The following PCDHGB6 variants were observed in gnomAD, a reference collection of about 807,000 sequenced individuals.
The protein encoded by PCDHGB6 is protocadherin gamma subfamily B, 6, also known as protocadherin gamma-B6.
PCDHGB6 carries 51 observed loss-of-function variants against 59.1 expected under a neutral mutation model. The ratio of observed to expected loss-of-function variants is 0.86; its 90% CI spans 0.69 to 1.09. The LOEUF (loss-of-function observed/expected upper bound fraction) is 1.09. PCDHGB6 is among the 50% of genes least tolerant of loss of function. The pLI is 0.00. For synonymous variants in PCDHGB6, 466 were observed against 495.1 expected, an observed-to-expected ratio of 0.94 and a Z score of 0.78; for missense variants, 1,148 against 1,205.1, an observed-to-expected ratio of 0.95 and a Z score of 0.70.
chr5:141,415,007 G>A (rs369009151), intron 1 of PCDHGB6: 1 of 1,613,654 alleles, frequency 6.2e-7, no homozygotes, highest in South Asian at 1.1e-5. Flanking sequence ...CTGTCCTACC[G>A]TCTGCTCAAG....
At chr5:141,494,161 T>G (rs1420295862) in intron 1 of PCDHGB6, among the ~76,000 whole-genome samples, 3 of 152,052 alleles carry the variant, frequency 2.0e-5, no homozygotes, top group African/African-American at 7.3e-5. Flanking sequence ...TGGCACGGAG[T>G]TCTAGGGGTG....
chr5:141,493,679 G>C lies in PCDHGB6; in HGVS notation c.2419-1128G>C. On this transcript the variant is annotated intron_variant, in intron 1 of 3. Transcript: ENST00000520790. This position sits in a 1 kb window ranked among gnomAD's most constrained non-coding sequence, Gnocchi z 4.3. ...CCTTCTCCATGGCAGCCCCAGAATG[G>C]TGCTGGTGACTCCCGATACACCTGG... Among the ~76,000 whole-genome samples the C allele has an allele frequency of 6.6e-6, 1 of 152,198 alleles. No individual in the cohort carries two copies. Among genetic ancestry groups the C allele is most frequent in the African/African-American group, 2.4e-5 (1 of 41,446 alleles).
At chr5:141,415,347 C>G in intron 1 of PCDHGB6, 1 of 1,614,238 alleles carries the variant, frequency 6.2e-7, no homozygotes, top group South Asian at 1.1e-5. Flanking sequence ...GGCGCTGGCA[C>G]AAGTCACGCC....
chr5:141,502,862 C>T (rs2099816351), intron 2 of PCDHGB6, among the ~76,000 whole-genome samples: 1 of 68,558 alleles, frequency 1.5e-5, no homozygotes, highest in African/African-American at 1.0e-4. Context: ...CCCTGACTCT[C>T]TGTCTTTTTT....
At chr5:141,419,938 G>A in intron 1 of PCDHGB6, 1 of 1,614,102 alleles carries the variant, frequency 6.2e-7, no homozygotes, top group Non-Finnish European at 8.5e-7. Context: ...TTTACCTGGT[G>A]GTGGCCTTGG....
In PCDHGB6 at chr5:141,485,109, C is replaced by A; in HGVS notation, c.2419-9698C>A. ...AGATAGGTGTCTCCAGCTGCTGTGG[C>A]TGTTTGGGGCGGGTCGGCTTCATCC... On this transcript the variant is annotated intron_variant, in intron 1 of 3. Transcript: ENST00000520790. This position sits in a 1 kb window ranked among gnomAD's most constrained non-coding sequence, Gnocchi z 5.7. The A allele has an allele frequency of 1.6e-6, 2 of 1,230,962 alleles. No individual in the cohort carries two copies. The highest frequency in any genetic ancestry group is 2.4e-6 in the Non-Finnish European group (2 of 850,024). The allele number at this position is 1,230,962 out of a possible 1,614,324, so 76.3% of individuals were successfully genotyped here.
intron 1 of PCDHGB6, among the ~76,000 whole-genome samples, chr5:141,470,151 CT>C (rs746135943): frequency 7.2e-5 from 11 of 152,164 alleles, no homozygotes; most frequent in Non-Finnish European, 1.6e-4. Flanking sequence ...CATAGATCAT[CT>C]TATCAAATCA....
In PCDHGB6 at chr5:141,431,746, G is replaced by C. The variant is rs780453684; in HGVS notation, c.2418+21126G>C. 6.2e-7 allele frequency: 1 copy of C among 1,614,062 alleles called. No individual in the cohort carries two copies. Among genetic ancestry groups the C allele is most frequent in the African/African-American group, 1.3e-5 (1 of 74,932 alleles). On this transcript the variant is annotated intron_variant, in intron 1 of 3. Transcript: ENST00000520790. The surrounding 1 kb of genome is among the most constrained non-coding windows in gnomAD (Gnocchi z 4.8). ...CAATGGATAATGCAGGATATTCTGC[G>C]CGAGCCAAAGTCCTGATCACTGTTC... is the stretch of plus-strand genomic sequence containing the variant.
rs1379007048 is a variant in PCDHGB6 at position 141,409,213 on chromosome 5, C to A, written c.1011C>A (p.Ile337=). The A allele has an allele frequency of 6.2e-7, 1 of 1,613,994 alleles. No individual in the cohort carries two copies. Among genetic ancestry groups the A allele is most frequent in the East Asian group, 2.2e-5 (1 of 44,876 alleles). ...LSTQCKVIIE[I]LDENDNSPEI... ...CCCAGTGTAAAGTAATCATAGAAAT[C>A]CTTGATGAAAACGACAACAGCCCAG... Residue 337 remains isoleucine, a synonymous_variant, in exon 1 of 4, where the codon ATC becomes ATA. Transcript: ENST00000520790.
chr5:141,419,333 A>G, intron 1 of PCDHGB6: 2 of 1,613,804 alleles, frequency 1.2e-6, no homozygotes, highest in South Asian at 1.1e-5. Context: ...CTACTCTCTC[A>G]TTGCCAGCGA....
intron 1 of PCDHGB6, among the ~76,000 whole-genome samples, chr5:141,494,157 G>A (rs929922206): frequency 5.9e-5 from 9 of 152,312 alleles, no homozygotes; most frequent in African/African-American, 1.7e-4. Context: ...TGTCTGGCAC[G>A]GAGTTCTAGG....
chr5:141,413,793 C>G, intron 1 of PCDHGB6: 1 of 1,613,106 alleles, frequency 6.2e-7, no homozygotes, highest in South Asian at 1.1e-5. Context: ...CCCTAGATCG[C>G]GAGGAAGAGG....
At chr5:141,427,992 T>C in intron 1 of PCDHGB6, 1 of 1,599,002 alleles carries the variant, frequency 6.3e-7, no homozygotes, top group Non-Finnish European at 8.6e-7. Context: ...GCCCGATGGC[T>C]CCGCACTCTT....
intron 1 of PCDHGB6, chr5:141,428,460 T>G (rs558111052): frequency 2.8e-6 from 1 of 351,434 alleles, no homozygotes; most frequent in African/African-American, 2.1e-5. Context: ...CCAACTACAA[T>G]GAGGGAACTT....
Position 141,491,900 on chromosome 5 carries a change from G to A in PCDHGB6, c.2419-2907G>A, listed in dbSNP as rs1268804496. 7.0e-7 allele frequency: 1 copy of A among 1,429,818 alleles called. No individual in the cohort carries two copies. Among genetic ancestry groups the A allele is most frequent in the East Asian group, 2.5e-5 (1 of 39,444 alleles). The allele number at this position is 1,429,818 out of a possible 1,614,324, so 88.6% of individuals were successfully genotyped here. A position where few individuals can be genotyped will look rare whatever the true frequency, so the allele number is the denominator to read the frequency against. ...TAAGGGATGGGGCTCCGAGCACCGGGGGTGGTGGCGACTGTGGGCGAGGGG... is the reference window on the plus strand; with the variant it reads ...TAAGGGATGGGGCTCCGAGCACCGGAGGTGGTGGCGACTGTGGGCGAGGGG... On this transcript the variant is annotated intron_variant, in intron 1 of 3. Coordinates refer to ENST00000520790, the MANE Select transcript of PCDHGB6 (RefSeq NM_018926.3). This position sits in a 1 kb window ranked among gnomAD's most constrained non-coding sequence, Gnocchi z 6.9.
intron 2 of PCDHGB6, among the ~76,000 whole-genome samples, chr5:141,495,994 T>C (rs2099765151): frequency 6.6e-6 from 1 of 152,146 alleles, no homozygotes; most frequent in Non-Finnish European, 1.5e-5. Flanking sequence ...ATCTCTCTTT[T>C]TCTTTTATCT....
intron 1 of PCDHGB6, among the ~76,000 whole-genome samples, chr5:141,464,886 A>T (rs541933775): frequency 5.2e-4 from 79 of 152,156 alleles, no homozygotes; most frequent in African/African-American, 1.9e-3. Flanking sequence ...CTACAGATGG[A>T]TGCCACCATG....
At chr5:141,418,568 G>A (rs769914679) in intron 1 of PCDHGB6, 62 of 1,613,902 alleles carry the variant, frequency 3.8e-5, no homozygotes, top group Non-Finnish European at 5.2e-5. Context: ...AGATGCCAAT[G>A]ACAACCCCCC....
chr5:141,461,286 C>T (rs2099012487), intron 1 of PCDHGB6, among the ~76,000 whole-genome samples: 1 of 152,144 alleles, frequency 6.6e-6, no homozygotes, highest in Admixed American at 6.6e-5. Context: ...TTCCCCACAT[C>T]CACACCAACA....
Sources: allele counts gnomAD v4.1 joint callset (sites outside exome capture counted in the v4.1 genomes callset), GRCh38; gene constraint gnomAD v4.1.1; non-coding constraint Gnocchi (gnomAD v3.1); transcripts MANE v1.5; gene names NCBI Gene and HGNC (gene_info 2026-07-23, HGNC 2026-07-21).